Variants in CTNNA3 observed in about 807,000 individuals in gnomAD.
The protein encoded by CTNNA3 is catenin alpha 3.
A neutral mutation model predicts 95.7 loss-of-function variants in CTNNA3; 76 were observed. That is an observed-to-expected ratio of 0.79 (90% CI 0.66 to 0.96). The LOEUF is 0.96. CTNNA3 is among the 40% of genes least tolerant of loss of function. The probability of loss-of-function intolerance (pLI) is 0.00; values close to 1 mark genes in which losing one functional copy is unlikely to be tolerated. For missense variants in CTNNA3, 1,191 were observed against 1,089.8 expected (o/e 1.09, Z -1.31); for synonymous variants, 431 against 374.4 (o/e 1.15, Z -1.74).
rs1463939237 is a variant in CTNNA3 at position 67,648,641 on chromosome 10, A to G, written c.-5-1123T>C. The G allele has an allele frequency of 3.6e-6, 3 of 834,062 alleles. No individual in the cohort carries two copies. The Admixed American group carries it at 9.6e-5, about 27-fold the overall frequency. The allele number at this position is 834,062 out of a possible 1,614,324, so 51.7% of individuals were successfully genotyped here. A position where few individuals can be genotyped will look rare whatever the true frequency, so the allele number is the denominator to read the frequency against. On this transcript the variant is annotated intron_variant, in intron 1 of 17. Coordinates refer to ENST00000433211, the MANE Select transcript of CTNNA3 (RefSeq NM_013266.4). ...AAATTCTATTAAGTGAAAAGATATT[A>G]CTTGAGTTTCTTCTCAAATCAAAGT...
intron 5 of CTNNA3, among the ~76,000 whole-genome samples, chr10:67,282,984 C>T (rs1164610895): frequency 2.0e-5 from 3 of 152,068 alleles, no homozygotes; most frequent in Non-Finnish European, 4.4e-5. Context: ...TAAAAACAGG[C>T]CATAAAGAAA....
chr10:66,966,743 A>G (rs1849436220), intron 7 of CTNNA3, among the ~76,000 whole-genome samples: 1 of 152,140 alleles, frequency 6.6e-6, no homozygotes, highest in Non-Finnish European at 1.5e-5. Context: ...AACCATATTT[A>G]GAACTTAGCA....
intron 11 of CTNNA3, among the ~76,000 whole-genome samples, chr10:66,437,620 T>C (rs2093347455): frequency 6.6e-6 from 1 of 152,106 alleles, no homozygotes; most frequent in Non-Finnish European, 1.5e-5. Flanking sequence ...ATCAAGGTTC[T>C]TAGCTTCCTT....
At chr10:66,284,918 T>C (rs2091558972) in intron 12 of CTNNA3, among the ~76,000 whole-genome samples, 1 of 151,908 alleles carries the variant, frequency 6.6e-6, no homozygotes, top group South Asian at 2.1e-4. Flanking sequence ...CAAATACCAC[T>C]TTATACTCTT....
At chr10:67,258,508 T>C (rs1419806377) in intron 5 of CTNNA3, among the ~76,000 whole-genome samples, 1 of 152,162 alleles carries the variant, frequency 6.6e-6, no homozygotes, top group Non-Finnish European at 1.5e-5. Flanking sequence ...CAATTTATAG[T>C]TTTCCAAAAG....
Position 66,984,432 on chromosome 10 carries a change from A to G in CTNNA3, c.1047+195885T>C, listed in dbSNP as rs191084171. ...TGCATAGAGGAAGCAGATAAAATTG[A>G]CCAAATGTAAATATGAGAGAAAGAG... On this transcript the variant is annotated intron_variant, in intron 7 of 17. Coordinates refer to ENST00000433211, the MANE Select transcript of CTNNA3 (RefSeq NM_013266.4). Among the ~76,000 whole-genome samples, 4 of 152,320 alleles carry G rather than the reference A, an allele frequency of 2.6e-5. No individual in the cohort carries two copies. In the East Asian group the frequency reaches 7.7e-4, roughly 29 times the overall value.
intron 7 of CTNNA3, among the ~76,000 whole-genome samples, chr10:66,876,507 C>A (rs918048552): frequency 6.6e-6 from 1 of 152,102 alleles, no homozygotes; most frequent in Non-Finnish European, 1.5e-5. Context: ...TTCAATAATT[C>A]ATTAGAATGA....
chr10:66,324,332 A>G (rs1365065336), intron 12 of CTNNA3, among the ~76,000 whole-genome samples: 1 of 152,084 alleles, frequency 6.6e-6, no homozygotes, highest in Admixed American at 6.5e-5. Context: ...AAAACAAACA[A>G]ACAAACAAAA....
At chr10:66,611,323 G>C (rs1454550263) in intron 10 of CTNNA3, among the ~76,000 whole-genome samples, 1 of 151,984 alleles carries the variant, frequency 6.6e-6, no homozygotes, top group Non-Finnish European at 1.5e-5. Flanking sequence ...TATTTGAGGT[G>C]TTGGATATTC....
chr10:67,200,185 G>A (rs1314734864), intron 6 of CTNNA3, among the ~76,000 whole-genome samples: 2 of 152,122 alleles, frequency 1.3e-5, no homozygotes, highest in African/African-American at 4.8e-5. Flanking sequence ...TACCCTGTAT[G>A]AGAAATGATT....
chr10:67,609,111 C>A (rs1049360989), intron 2 of CTNNA3, among the ~76,000 whole-genome samples: 5,657 of 92,860 alleles, frequency 0.061, 149 homozygotes, highest in African/African-American at 0.13. Context: ...AAAAAAAAAA[C>A]AACCCATTTC....
chr10:66,144,438 G>A (rs1185244858), intron 13 of CTNNA3, among the ~76,000 whole-genome samples: 3 of 151,580 alleles, frequency 2.0e-5, no homozygotes, highest in African/African-American at 2.4e-5. Context: ...TTGTAGCCTC[G>A]ACCATCTTAA....
chr10:66,452,015 T>C (rs1301256424), intron 11 of CTNNA3, among the ~76,000 whole-genome samples: 8 of 152,126 alleles, frequency 5.3e-5, no homozygotes. Flanking sequence ...ATCTTCCTAT[T>C]TCTGAATGGT....
chr10:67,422,397 A>G (rs557490913), intron 5 of CTNNA3, among the ~76,000 whole-genome samples: 1 of 152,344 alleles, frequency 6.6e-6, no homozygotes, highest in South Asian at 2.1e-4. Flanking sequence ...AGGAAATGAT[A>G]TACATTGTAA....
intron 7 of CTNNA3, chr10:67,097,711 T>C (rs1858094415): frequency 1.2e-6 from 2 of 1,612,704 alleles, no homozygotes; most frequent in Non-Finnish European, 1.7e-6. Flanking sequence ...GAAGATACGA[T>C]GGAAACACAC....
intron 13 of CTNNA3, among the ~76,000 whole-genome samples, chr10:66,178,065 G>C (rs2085813970): frequency 6.6e-6 from 1 of 151,454 alleles, no homozygotes; most frequent in African/African-American, 2.4e-5. Context: ...GTATATTAAT[G>C]CAAAGATCCT....
chr10:66,059,148 T>A (rs1027248829), intron 15 of CTNNA3, among the ~76,000 whole-genome samples: 5 of 152,094 alleles, frequency 3.3e-5, no homozygotes, highest in African/African-American at 7.2e-5. Context: ...ATCTTCATAT[T>A]TTCAGAGGGG....
intron 12 of CTNNA3, among the ~76,000 whole-genome samples, chr10:66,377,156 T>C (rs1393639378): frequency 6.6e-6 from 1 of 152,112 alleles, no homozygotes; most frequent in Non-Finnish European, 1.5e-5. Context: ...TTTTCAAAGA[T>C]ACACCAAAAT....
At chr10:67,584,742 T>C (rs147286996) in intron 3 of CTNNA3, among the ~76,000 whole-genome samples, 4,776 of 152,252 alleles carry the variant, frequency 0.031, 80 homozygotes, top group Non-Finnish European at 0.041. Flanking sequence ...AGCCACTTTG[T>C]TTACCTATTC....
Sources: allele counts gnomAD v4.1 joint callset (sites outside exome capture counted in the v4.1 genomes callset), GRCh38; gene constraint gnomAD v4.1.1; transcripts MANE v1.5; gene names NCBI Gene and HGNC (gene_info 2026-07-23, HGNC 2026-07-21).